Variants in ITGB2 observed in about 807,000 individuals in gnomAD.
The protein encoded by ITGB2 is integrin beta-2.
Under a neutral mutation model 86.8 loss-of-function variants are expected in ITGB2, and 56 were observed. The ratio of observed to expected loss-of-function variants is 0.65; its 90% CI spans 0.52 to 0.81. ITGB2 has a LOEUF of 0.81. Ranked by LOEUF, ITGB2 falls within the 30% of genes least tolerant of loss-of-function variation. The pLI, the probability that ITGB2 is intolerant of heterozygous loss-of-function variation, is 0.00. For synonymous variants in ITGB2, 457 were observed against 450.4 expected (o/e 1.01, Z -0.19); for missense variants, 948 against 1,061.2 (o/e 0.89, Z 1.48).
chr21:44,907,007 A>G lies in ITGB2; in HGVS notation c.236T>C (p.Met79Thr), dbSNP rs1438789389. The change falls in exon 4 of 16, where the codon ATG becomes ACG. Residue 79 changes from methionine (M) to threonine (T), a missense_variant. Physicochemically the swap from Met to Thr is moderately conservative, Grantham distance 81 (BLOSUM62 -1). Transcript: ENST00000652462. ...GGTTTCAGCGAGGCTTGTGGGGTCCATGATGTCGTCAGCCGCACAGCCCCT... is the reference window on the plus strand; with the variant it reads ...GGTTTCAGCGAGGCTTGTGGGGTCCGTGATGTCGTCAGCCGCACAGCCCCT... ...LMRGCAADDI[M>T]DPTSLAETQE... The G allele has an allele frequency of 1.2e-6, 2 of 1,614,144 alleles. No individual in the cohort carries two copies. Among genetic ancestry groups the G allele is most frequent in the Non-Finnish European group, 1.7e-6 (2 of 1,180,010 alleles).
intron 14 of ITGB2, among the ~76,000 whole-genome samples, 166 bp downstream of exon 14, chr21:44,888,527 G>A (rs942402626): frequency 3.9e-5 from 6 of 152,202 alleles, no homozygotes; most frequent in East Asian, 1.9e-4. Context: ...TGAGGGGACC[G>A]GCCTCTGGCC....
At chr21:44,899,223 G>A (rs2083912163) in intron 7 of ITGB2, 61 bp from the exon 8 acceptor site, 1 of 1,185,782 alleles carries the variant, frequency 8.4e-7, no homozygotes, top group Admixed American at 1.9e-5. Flanking sequence ...CCAGGTACCC[G>A]CCCCTGTCTG....
rs2083698909 is a variant in ITGB2 at position 44,886,389 on chromosome 21, G to A, written c.2289C>T (p.Asn763=). The A allele has an allele frequency of 1.2e-6, 2 of 1,614,060 alleles. No individual in the cohort carries two copies. The highest frequency in any genetic ancestry group is 2.2e-5 in the East Asian group (1 of 44,898). ...LFKSATTTVM[N]PKFAES is the part of the protein sequence containing the mutation. ...GCTCCTAACTCTCAGCAAACTTGGG[G>A]TTCATGACCGTCGTGGTGGCGCTCT... The change falls in exon 16 of 16, where the codon AAC becomes AAT. Residue 763 remains asparagine, a synonymous_variant. Coordinates refer to ENST00000652462, the MANE Select transcript of ITGB2 (RefSeq NM_000211.5).
At chr21:44,917,942 C>T (rs1028592887) in intron 1 of ITGB2, among the ~76,000 whole-genome samples, 1 of 152,352 alleles carries the variant, frequency 6.6e-6, no homozygotes, top group Middle Eastern at 3.4e-3. Context: ...GCCCTCTGTG[C>T]TTGCTCAGGG....
intron 7 of ITGB2, among the ~76,000 whole-genome samples, chr21:44,899,664 C>T (rs1018564144): frequency 2.3e-4 from 35 of 152,164 alleles, no homozygotes; most frequent in African/African-American, 7.2e-4. Context: ...CTACGGCCAG[C>T]GAGGACAAGC....
In ITGB2 at chr21:44,926,508, G is replaced by A. The variant is rs551557943; in HGVS notation, c.-4+2146C>T. Among the ~76,000 whole-genome samples the A allele has an allele frequency of 1.4e-4, 22 of 152,312 alleles. 1 individual carries two copies. In the South Asian group the frequency reaches 3.7e-3, roughly 26 times the overall value. On this transcript the variant is annotated intron_variant, in intron 1 of 15. Coordinates refer to the ITGB2 transcript ENST00000355153. ...GTAGCAGCACCGGCAACCGGCATCCGTGGGGCCACGCCGGGCTGCTTCCCA... is the reference window on the plus strand; with the variant it reads ...GTAGCAGCACCGGCAACCGGCATCCATGGGGCCACGCCGGGCTGCTTCCCA...
chr21:44,922,658 G>GAAAAAAAAAAAAAAAAAAAAAA (rs10532717), upstream of ITGB2, among the ~76,000 whole-genome samples: 1 of 114,706 alleles, frequency 8.7e-6, no homozygotes, highest in Non-Finnish European at 2.0e-5. Context: ...GGGTAACTGA[G>GAAAAAAAAAAAAAAAAAAAAAA]AAAAAAAAAA....
chr21:44,891,630 C>T (rs993731238), intron 11 of ITGB2, among the ~76,000 whole-genome samples, 179 bp downstream of exon 11: 3 of 152,136 alleles, frequency 2.0e-5, no homozygotes, highest in East Asian at 1.9e-4. Context: ...GAGGGCTTGC[C>T]GAGGGGTTCT....
At chr21:44,920,035 C>T (rs184633337) in intron 1 of ITGB2, among the ~76,000 whole-genome samples, 19 of 152,262 alleles carry the variant, frequency 1.2e-4, no homozygotes, top group African/African-American at 4.6e-4. Context: ...TGAACCAACT[C>T]GACCAGAATC....
At chr21:44,907,781 C>T (rs951694969) in intron 3 of ITGB2, among the ~76,000 whole-genome samples, 1 of 152,230 alleles carries the variant, frequency 6.6e-6, no homozygotes, top group Non-Finnish European at 1.5e-5. Context: ...AGGATAAGCC[C>T]GGCCCCCAGA....
At chr21:44,908,261 T>C (rs2084074538) in intron 3 of ITGB2, 2 of 593,154 alleles carry the variant, frequency 3.4e-6, no homozygotes, top group Non-Finnish European at 6.3e-6. Context: ...TGCCCTCCCC[T>C]TCTTCTCCAC....
chr21:44,899,361 CG>C (rs1368997208), intron 7 of ITGB2, among the ~76,000 whole-genome samples, 199 bp from the exon 8 acceptor site: 1 of 152,222 alleles, frequency 6.6e-6, no homozygotes, highest in Non-Finnish European at 1.5e-5. Context: ...TGCATAGACT[CG>C]GGCTTTCAGA....
intron 1 of ITGB2, among the ~76,000 whole-genome samples, chr21:44,919,655 C>T (rs936703122): frequency 6.6e-6 from 1 of 152,206 alleles, no homozygotes; most frequent in African/African-American, 2.4e-5. Context: ...CGAGTGTCCC[C>T]TATGCCCCCA....
In ITGB2 at chr21:44,889,340, A is replaced by C. The variant is rs1027130960; in HGVS notation, c.1813T>G (p.Ser605Ala). The stretch of plus-strand genomic sequence containing the variant: ...TGGCACAGAGGCAGCTGGTAGCCTG[A>C]ATGGCACTCGCATACGTTGCAGCGG... Reference protein sequence around the residue: ...RCRCNVCECHSGYQLPLCQEC... With the variant: ...RCRCNVCECHAGYQLPLCQEC... The change falls in exon 13 of 16, where the codon TCA (serine) becomes GCA (alanine). Residue 605 changes from serine (S) to alanine (A), a missense_variant. Transcript: ENST00000652462. 2.5e-6 allele frequency: 4 copies of C among 1,612,896 alleles called. No individual in the cohort carries two copies. Among genetic ancestry groups the C allele is most frequent in the East Asian group, 4.5e-5 (2 of 44,864 alleles).
chr21:44,897,845 G>A (rs952589524), intron 8 of ITGB2, among the ~76,000 whole-genome samples: 30 of 152,318 alleles, frequency 2.0e-4, no homozygotes, highest in African/African-American at 6.7e-4. Context: ...TGGCCTCAGG[G>A]CCACACACTG....
At chr21:44,892,028 C>A in intron 10 of ITGB2, 32 bp from the exon 11 acceptor site, 1 of 1,602,866 alleles carries the variant, frequency 6.2e-7, no homozygotes, top group Middle Eastern at 1.7e-4. Flanking sequence ...AGGTGGGGAC[C>A]CTCGGTGGCC....
chr21:44,895,911 AAT>A (rs2083861502), intron 8 of ITGB2, among the ~76,000 whole-genome samples: 2 of 151,096 alleles, frequency 1.3e-5, no homozygotes, highest in African/African-American at 4.9e-5. Flanking sequence ...ATAAATAAAA[AAT>A]AAAAAAAAAA....
intron 1 of ITGB2, among the ~76,000 whole-genome samples, chr21:44,919,803 GC>G (rs1270057996): frequency 6.6e-6 from 1 of 152,202 alleles, no homozygotes; most frequent in African/African-American, 2.4e-5. Flanking sequence ...CAGAATCCCA[GC>G]TCCCAGATCC....
At chr21:44,913,386 G>A (rs866233366) in intron 1 of ITGB2, among the ~76,000 whole-genome samples, 1 of 152,146 alleles carries the variant, frequency 6.6e-6, no homozygotes, top group Non-Finnish European at 1.5e-5. Flanking sequence ...TGGACCTGGT[G>A]CCCAGTTACC....
Sources: gnomAD v4.1 joint callset for allele counts (sites outside exome capture counted in the v4.1 genomes callset) on GRCh38, gnomAD v4.1.1 for gene constraint, MANE v1.5 for transcripts, NCBI Gene and HGNC (gene_info 2026-07-23, HGNC 2026-07-21) for gene names.